The following FHOD3 variants were observed in gnomAD, a reference collection of about 807,000 sequenced individuals.
FHOD3 encodes the protein formin homology 2 domain containing 3, also known as FH1/FH2 domain-containing protein 3.
Under a neutral mutation model 173.0 loss-of-function variants are expected in FHOD3, and 90 were observed. That is an observed-to-expected ratio of 0.52 (90% confidence interval 0.44 to 0.62). The LOEUF is 0.62. Ranked by LOEUF, FHOD3 falls within the 20% of genes least tolerant of loss-of-function variation. The pLI is 0.00. For synonymous variants in FHOD3, 828 were observed against 823.0 expected (o/e 1.01, Z -0.10); for missense variants, 1,945 against 2,034.7 (o/e 0.96, Z 0.85).
chr18:36,631,301 T>C (rs1306348170), intron 10 of FHOD3, among the ~76,000 whole-genome samples: 3 of 152,176 alleles, frequency 2.0e-5, no homozygotes. Flanking sequence ...TGTGGAGGTA[T>C]TGAAGCATGG....
chr18:36,545,083 A>C (rs1807658906), intron 5 of FHOD3, among the ~76,000 whole-genome samples: 1 of 152,104 alleles, frequency 6.6e-6, no homozygotes, highest in South Asian at 2.1e-4. Context: ...AGAATTTAAA[A>C]TTTATCCATG....
rs116789649 is a variant in FHOD3 at position 36,561,369 on chromosome 18, C to T, written c.512-15082C>T. 5.4e-3 allele frequency among the ~76,000 whole-genome samples: 818 copies of T among 152,252 alleles called. 10 individuals are homozygous for T. The highest frequency in any genetic ancestry group is 0.019 in the African/African-American group (782 of 41,546). ...GGTCTGGGGACACTCAGCCTTGTCA[C>T]ATGGGTCAGCTCCATAGGGCTGGGC... On this transcript the variant is annotated intron_variant, in intron 5 of 28. Transcript: ENST00000590592.
chr18:36,339,683 T>C (rs2045511068), intron 1 of FHOD3, among the ~76,000 whole-genome samples: 2 of 152,104 alleles, frequency 1.3e-5, no homozygotes, highest in African/African-American at 2.4e-5. Context: ...AGAGTTGGGG[T>C]TGGGCATGTT....
At chr18:36,416,508 T>C (rs2049657566) in intron 3 of FHOD3, among the ~76,000 whole-genome samples, 1 of 152,228 alleles carries the variant, frequency 6.6e-6, no homozygotes, top group African/African-American at 2.4e-5. Flanking sequence ...ATCTGCTCAT[T>C]AGCACACCCT....
intron 3 of FHOD3, among the ~76,000 whole-genome samples, chr18:36,437,419 T>C (rs1181140430): frequency 6.6e-6 from 1 of 152,230 alleles, no homozygotes; most frequent in African/African-American, 2.4e-5. Context: ...GTTATGTTTG[T>C]ATTGTCTAAT....
chr18:36,507,521 G>C (rs979661306), intron 4 of FHOD3, among the ~76,000 whole-genome samples: 7 of 152,160 alleles, frequency 4.6e-5, no homozygotes, highest in African/African-American at 1.7e-4. Flanking sequence ...CACTTGTCTT[G>C]AGTACGGTAG....
chr18:36,329,260 A>T (rs763659464), intron 1 of FHOD3, among the ~76,000 whole-genome samples: 1 of 152,284 alleles, frequency 6.6e-6, no homozygotes, highest in East Asian at 1.9e-4. Flanking sequence ...AGAGTACACA[A>T]GCACCTCTGT....
intron 10 of FHOD3, among the ~76,000 whole-genome samples, chr18:36,644,079 G>T (rs1480715888): frequency 1.3e-5 from 2 of 152,132 alleles, no homozygotes; most frequent in Non-Finnish European, 2.9e-5. Flanking sequence ...CAGGCCTCTG[G>T]GTTGCTTTTC....
chr18:36,440,524 G>A (rs901307150), intron 3 of FHOD3, among the ~76,000 whole-genome samples: 1 of 152,220 alleles, frequency 6.6e-6, no homozygotes, highest in African/African-American at 2.4e-5. Context: ...GGGCTCCTCC[G>A]GGCCTCCACG....
At chr18:36,401,038 G>A (rs985715405) in intron 3 of FHOD3, among the ~76,000 whole-genome samples, 1 of 152,120 alleles carries the variant, frequency 6.6e-6, no homozygotes, top group African/African-American at 2.4e-5. Flanking sequence ...GCATTCCAGG[G>A]AGCCACTGGA....
chr18:36,464,633 A>G (rs941663620), intron 3 of FHOD3, among the ~76,000 whole-genome samples: 1 of 152,156 alleles, frequency 6.6e-6, no homozygotes, highest in Admixed American at 6.5e-5. Context: ...CAGAAGGGGA[A>G]AGGATCTGTG....
Position 36,779,556 on chromosome 18 carries a change from T to A in FHOD3, c.*26T>A. The A allele has an allele frequency of 6.2e-7, 1 of 1,609,938 alleles. No homozygotes were observed. Among genetic ancestry groups the A allele is most frequent in the Non-Finnish European group, 8.5e-7 (1 of 1,176,348 alleles). ...CACTCATAGGTTACTCCCAGGAGTG[T>A]GCTGAGCAGAAGGCAAGCTCTTGCT... is the stretch of plus-strand genomic sequence containing the variant. On this transcript the variant is annotated 3_prime_UTR_variant, in exon 29 of 29. Transcript: ENST00000590592.
intron 28 of FHOD3, among the ~76,000 whole-genome samples, chr18:36,770,806 A>G (rs72883539): frequency 4.8e-3 from 727 of 152,254 alleles, no homozygotes; most frequent in Middle Eastern, 0.017. Context: ...CACACACACT[A>G]CTTCAGAACC....
chr18:36,703,141 A>G (rs2039682468), intron 17 of FHOD3, among the ~76,000 whole-genome samples: 1 of 152,204 alleles, frequency 6.6e-6, no homozygotes, highest in Admixed American at 6.5e-5. Flanking sequence ...TCAGGCCTGA[A>G]GAAACTTGGT....
chr18:36,563,190 C>T (rs1249887061), intron 5 of FHOD3, among the ~76,000 whole-genome samples: 1 of 152,154 alleles, frequency 6.6e-6, no homozygotes, highest in Non-Finnish European at 1.5e-5. Flanking sequence ...AATATACTAG[C>T]ATGTACTCTT....
intron 10 of FHOD3, among the ~76,000 whole-genome samples, chr18:36,626,590 G>A (rs1349093034): frequency 6.6e-6 from 1 of 152,134 alleles, no homozygotes; most frequent in Non-Finnish European, 1.5e-5. Context: ...TTAGGCTCCA[G>A]TCTCTGCCAC....
chr18:36,559,803 G>A lies in FHOD3; in HGVS notation c.512-16648G>A, dbSNP rs186230130. On this transcript the variant is annotated intron_variant, in intron 5 of 28. Coordinates refer to ENST00000590592, the MANE Select transcript of FHOD3 (RefSeq NM_001281740.3). ...CAGGGCCATGAGAACACATTGCTAG[G>A]GCCCCTCCCAAGGTCTGGGAAGGGG... is the stretch of plus-strand genomic sequence containing the variant. 7.2e-5 allele frequency among the ~76,000 whole-genome samples: 11 copies of A among 152,150 alleles called. No homozygotes were observed. In the East Asian group the frequency reaches 7.8e-4, roughly 11 times the overall value.
intron 5 of FHOD3, among the ~76,000 whole-genome samples, chr18:36,548,881 G>A (rs1175969418): frequency 6.6e-6 from 1 of 152,078 alleles, no homozygotes; most frequent in African/African-American, 2.4e-5. Context: ...TAAAGCCTTT[G>A]TGAACATCAG....
chr18:36,327,431 T>C (rs1431143800), intron 1 of FHOD3, among the ~76,000 whole-genome samples: 1 of 152,234 alleles, frequency 6.6e-6, no homozygotes, highest in Non-Finnish European at 1.5e-5. Flanking sequence ...CGCAATTACT[T>C]TTGCACCCAT....
Sources: allele counts gnomAD v4.1 joint callset (sites outside exome capture counted in the v4.1 genomes callset), GRCh38; gene constraint gnomAD v4.1.1; transcripts MANE v1.5; gene names NCBI Gene and HGNC (gene_info 2026-07-23, HGNC 2026-07-21).